Variants in THSD7B observed in about 807,000 individuals in gnomAD.
THSD7B encodes the protein thrombospondin type-1 domain-containing protein 7B.
In THSD7B, 138 loss-of-function variants were observed where a neutral mutation model predicts 213.6. That is an observed-to-expected ratio of 0.65 (90% confidence interval 0.56 to 0.74). The LOEUF (loss-of-function observed/expected upper bound fraction) is 0.74. Ranked by LOEUF, THSD7B falls within the 30% of genes least tolerant of loss-of-function variation. The pLI, the probability that THSD7B is intolerant of heterozygous loss-of-function variation, is 0.00. For missense variants in THSD7B, 1,931 were observed against 1,991.5 expected, an observed-to-expected ratio of 0.97 and a Z score of 0.58; for synonymous variants, 742 against 687.0, an observed-to-expected ratio of 1.08 and a Z score of -1.25.
intron 15 of THSD7B, among the ~76,000 whole-genome samples, chr2:137,560,277 C>T (rs1476067958): frequency 6.6e-6 from 1 of 152,100 alleles, no homozygotes; most frequent in Admixed American, 6.6e-5. Context: ...TTTATTGCAG[C>T]ACTACTCACA....
intron 14 of THSD7B, among the ~76,000 whole-genome samples, chr2:137,413,121 T>C (rs71419546): frequency 2.0e-5 from 3 of 152,170 alleles, no homozygotes; most frequent in African/African-American, 7.2e-5. Context: ...ACAATGAGAT[T>C]TAATGACTTT....
intron 27 of THSD7B, among the ~76,000 whole-genome samples, chr2:137,668,430 A>G (rs1347205583): frequency 6.8e-6 from 1 of 147,418 alleles, no homozygotes; most frequent in African/African-American, 2.5e-5. Flanking sequence ...GACAAAATTT[A>G]ACTGATGGTC....
At chr2:137,583,308 A>T (rs113762681) in intron 17 of THSD7B, among the ~76,000 whole-genome samples, 32,870 of 151,982 alleles carry the variant, frequency 0.22, 3,707 homozygotes, top group Middle Eastern at 0.32. Flanking sequence ...CTCTGATGGT[A>T]GTTTCTTTTG....
chr2:137,618,300 T>A lies in THSD7B; in HGVS notation c.3566-92T>A, dbSNP rs185502531. ...TGATTTTAGGATTATGTGTGGATTA[T>A]TCTCCACCAAAGCAGATAATCAAAG... On this transcript the variant is annotated intron_variant, in intron 18 of 27. Transcript: ENST00000409968. 916 of 983,180 alleles carry A rather than the reference T, an allele frequency of 9.3e-4. 11 individuals are homozygous for A. The Admixed American group carries it at 0.019, about 21-fold the overall frequency. 60.9% of individuals were successfully genotyped at this position (983,180 alleles called of 1,614,324 possible). A position where few individuals can be genotyped will look rare whatever the true frequency, so the allele number is the denominator to read the frequency against.
rs573406852 is a variant in THSD7B at position 137,273,628 on chromosome 2, C to A, written c.2396+966C>A. ...TTATTTGGGAAAATACAAGTCATTT[C>A]CTTTTTTAAAAGAAGAAAGATATCG... On this transcript the variant is annotated intron_variant, in intron 11 of 27. Transcript: ENST00000409968. Among the ~76,000 whole-genome samples the A allele has an allele frequency of 2.4e-4, 36 of 152,096 alleles. No homozygotes were observed. The South Asian group carries it at 5.2e-3, about 22-fold the overall frequency.
At chr2:137,535,589 C>T (rs1296052573) in intron 15 of THSD7B, among the ~76,000 whole-genome samples, 2 of 151,720 alleles carry the variant, frequency 1.3e-5, no homozygotes, top group Non-Finnish European at 2.9e-5. Flanking sequence ...GGTAATTATT[C>T]ATGGAACAAA....
At chr2:137,656,530 A>G (rs1336929268) in intron 22 of THSD7B, among the ~76,000 whole-genome samples, 2 of 152,236 alleles carry the variant, frequency 1.3e-5, no homozygotes, top group Non-Finnish European at 2.9e-5. Flanking sequence ...TAGCAGATAC[A>G]TAATATTTTC....
chr2:136,779,917 G>A (rs1681707485), intron 1 of THSD7B, among the ~76,000 whole-genome samples: 2 of 152,212 alleles, frequency 1.3e-5, no homozygotes, highest in Non-Finnish European at 2.9e-5. Context: ...AGAATACCAT[G>A]GACAGAACTT....
intron 1 of THSD7B, among the ~76,000 whole-genome samples, chr2:136,876,713 A>G (rs965910188): frequency 2.0e-5 from 3 of 152,154 alleles, no homozygotes; most frequent in Non-Finnish European, 2.9e-5. Flanking sequence ...TGTCTCATCT[A>G]TTGGGCCACA....
In THSD7B at chr2:137,422,426, G is replaced by C. The variant is rs757256035; in HGVS notation, c.2959+10554G>C. On this transcript the variant is annotated intron_variant, in intron 14 of 27. Coordinates refer to ENST00000409968, the MANE Select transcript of THSD7B (RefSeq NM_001316349.2). ...ATTCCAACCTATTTAGCAGTTGCTG[G>C]AGACAAGGGCTTACTGATGAATTCT... Among the ~76,000 whole-genome samples, 10 of 152,212 alleles carry C rather than the reference G, an allele frequency of 6.6e-5. No homozygotes were observed. The South Asian group carries it at 1.7e-3, about 25-fold the overall frequency.
At chr2:137,357,718 C>T (rs1314246499) in intron 12 of THSD7B, among the ~76,000 whole-genome samples, 2 of 152,160 alleles carry the variant, frequency 1.3e-5, no homozygotes, top group Admixed American at 6.6e-5. Flanking sequence ...AGTTCTCCTA[C>T]CCACCACTCT....
intron 1 of THSD7B, among the ~76,000 whole-genome samples, chr2:136,784,886 T>G (rs1681812633): frequency 6.6e-6 from 1 of 152,204 alleles, no homozygotes; most frequent in Non-Finnish European, 1.5e-5. Flanking sequence ...TGAGGAAATT[T>G]CTTAGTTGTT....
At chr2:137,141,701 GTGTT>G (rs1320684198) in intron 5 of THSD7B, among the ~76,000 whole-genome samples, 2 of 129,944 alleles carry the variant, frequency 1.5e-5, no homozygotes, top group African/African-American at 5.3e-5. Context: ...GTGTGTGTGT[GTGTT>G]TGTATCTTCC....
chr2:137,553,109 A>G (rs984110074), intron 15 of THSD7B, among the ~76,000 whole-genome samples: 6 of 152,156 alleles, frequency 3.9e-5, no homozygotes, highest in African/African-American at 1.4e-4. Flanking sequence ...ATCGACATTG[A>G]ATATGACTTG....
At chr2:137,210,527 G>A (rs952886549) in intron 7 of THSD7B, among the ~76,000 whole-genome samples, 1 of 151,878 alleles carries the variant, frequency 6.6e-6, no homozygotes, top group Non-Finnish European at 1.5e-5. Flanking sequence ...TTCTTTTCAA[G>A]TTTAAACATT....
intron 20 of THSD7B, among the ~76,000 whole-genome samples, chr2:137,640,005 A>G (rs534943619): frequency 1.2e-3 from 183 of 152,220 alleles, no homozygotes; most frequent in Non-Finnish European, 2.2e-3. Context: ...ACTTTGGGGA[A>G]CTGTTGGGGA....
intron 2 of THSD7B, among the ~76,000 whole-genome samples, chr2:137,035,591 G>C (rs1686760173): frequency 6.6e-6 from 1 of 151,790 alleles, no homozygotes; most frequent in African/African-American, 2.4e-5. Flanking sequence ...TCTATCCTGA[G>C]ATCCTACCAA....
In THSD7B at chr2:137,611,886, C is replaced by A. The variant is rs1341049157; in HGVS notation, c.3424-4289C>A. ...AGACAAGGTATGATCTCTTGAAACT[C>A]CAGACTATAAAAAGAAAATTCTTCC... On this transcript the variant is annotated intron_variant, in intron 17 of 27. Coordinates refer to ENST00000409968, the MANE Select transcript of THSD7B (RefSeq NM_001316349.2). Among the ~76,000 whole-genome samples, 11 of 152,068 alleles carry A rather than the reference C, an allele frequency of 7.2e-5. 1 individual carries two copies.
intron 2 of THSD7B, among the ~76,000 whole-genome samples, chr2:136,996,959 A>C (rs115906931): frequency 0.018 from 2,673 of 152,322 alleles, 98 homozygotes; most frequent in African/African-American, 0.061. Context: ...GAAGCAGTAA[A>C]GGAAATTATT....
Sources: gnomAD v4.1 joint callset for allele counts (sites outside exome capture counted in the v4.1 genomes callset) on GRCh38, gnomAD v4.1.1 for gene constraint, MANE v1.5 for transcripts, NCBI Gene and HGNC (gene_info 2026-07-23, HGNC 2026-07-21) for gene names.